The following CPVL variants were observed in gnomAD, a reference collection of about 807,000 sequenced individuals.
CPVL encodes the protein probable serine carboxypeptidase CPVL.
In CPVL, 51 loss-of-function variants were observed where a neutral mutation model predicts 63.7. The ratio of observed to expected loss-of-function variants is 0.80; its 90% CI spans 0.64 to 1.01. The LOEUF (loss-of-function observed/expected upper bound fraction) is 1.01, where lower values mean the gene tolerates loss of function less well. Among genes scored for constraint, CPVL ranks in the 50% least tolerant of loss-of-function variants. CPVL has a pLI of 0.00. For missense variants in CPVL, 530 were observed against 573.1 expected (o/e 0.92, Z 0.77); for synonymous variants, 195 against 206.0 (o/e 0.95, Z 0.46).
chr7:29,074,077 C>G (rs1049469623), intron 7 of CPVL, among the ~76,000 whole-genome samples: 1 of 152,148 alleles, frequency 6.6e-6, no homozygotes, highest in African/African-American at 2.4e-5. Context: ...TCATTACTCC[C>G]ATTTCAAGAT....
intron 5 of CPVL, among the ~76,000 whole-genome samples, chr7:29,152,611 C>G (rs1484928268): frequency 6.6e-6 from 1 of 152,110 alleles, no homozygotes; most frequent in Non-Finnish European, 1.5e-5. Flanking sequence ...TTGTTCCCAT[C>G]CACCCCACCC....
intron 1 of CPVL, among the ~76,000 whole-genome samples, chr7:29,135,461 A>T (rs1330173145): frequency 6.6e-6 from 1 of 151,556 alleles, no homozygotes; most frequent in Non-Finnish European, 1.5e-5. Flanking sequence ...CCTCCTGAGT[A>T]GCTGGGATTA....
At chr7:29,059,076 C>T (rs964553711) in intron 11 of CPVL, among the ~76,000 whole-genome samples, 2 of 152,082 alleles carry the variant, frequency 1.3e-5, no homozygotes, top group African/African-American at 4.8e-5. Context: ...ACAGTTAAGG[C>T]TATTCAAAAA....
At chr7:29,110,408 G>A (rs1163121504) in intron 3 of CPVL, among the ~76,000 whole-genome samples, 1 of 152,126 alleles carries the variant, frequency 6.6e-6, no homozygotes, top group Non-Finnish European at 1.5e-5. Flanking sequence ...ATTTCTTTCT[G>A]GTAAAAGGCG....
intron 3 of CPVL, among the ~76,000 whole-genome samples, chr7:29,104,415 A>G (rs568901525): frequency 3.9e-5 from 6 of 152,196 alleles, no homozygotes; most frequent in African/African-American, 1.4e-4. Flanking sequence ...TACCTGCCAC[A>G]GCCCCTGGCT....
intron 4 of CPVL, among the ~76,000 whole-genome samples, chr7:29,183,035 C>T (rs1798253289): frequency 6.6e-6 from 1 of 151,846 alleles, no homozygotes; most frequent in South Asian, 2.1e-4. Context: ...CCAGAATCTT[C>T]CCATTATATG....
intron 11 of CPVL, among the ~76,000 whole-genome samples, chr7:29,057,965 C>A (rs545267084): frequency 6.6e-6 from 1 of 152,226 alleles, no homozygotes; most frequent in South Asian, 2.1e-4. Context: ...TGTCAATCTT[C>A]TGACTTTATT....
At position 29,086,469 on chromosome 7, in the gene CPVL, G is replaced by A. The variant is rs529883355; in HGVS notation, c.609+15C>T. On this transcript the variant is annotated intron_variant, in intron 7 of 12. Transcript: ENST00000265394. ...TGATGTTTGAAGCACACAAGGAAAC[G>A]TGACTTCTACTTACCTCCCCAGTGA... 16 of 1,588,848 alleles carry A rather than the reference G, an allele frequency of 1.0e-5. No individual in the cohort carries two copies. The South Asian group carries it at 1.3e-4, about 13-fold the overall frequency.
intron 3 of CPVL, among the ~76,000 whole-genome samples, chr7:29,102,014 A>C (rs1186216556): frequency 6.6e-6 from 1 of 152,220 alleles, no homozygotes; most frequent in Non-Finnish European, 1.5e-5. Flanking sequence ...ATACAACGCC[A>C]ACTACTCACA....
chr7:29,099,244 T>C (rs1292565774), intron 3 of CPVL, among the ~76,000 whole-genome samples: 2 of 123,032 alleles, frequency 1.6e-5, no homozygotes, highest in Non-Finnish European at 3.3e-5. Flanking sequence ...AATTTGTAGA[T>C]GGCTTGAACA....
chr7:29,157,845 A>C (rs1053897335), intron 5 of CPVL, among the ~76,000 whole-genome samples: 4 of 150,844 alleles, frequency 2.7e-5, no homozygotes, highest in Admixed American at 2.7e-4. Context: ...CTAAAAAAAA[A>C]ATCCTTCTAT....
In CPVL at chr7:29,092,610, A is replaced by G. The variant is rs1455131820; in HGVS notation, c.542+13T>C. ...GGTCTTAGGAAAGCCAAGAGAAAGC[A>G]GGAGCATTTTACCTGTATAAATCCC... On this transcript the variant is annotated intron_variant, in intron 6 of 12. Transcript: ENST00000265394. 6.9e-6 allele frequency: 11 copies of G among 1,592,524 alleles called. No homozygotes were observed. Among genetic ancestry groups the G allele is most frequent in the Non-Finnish European group, 9.5e-6 (11 of 1,160,500 alleles).
At chr7:29,188,626 G>T (rs754961368) in intron 1 of CPVL, among the ~76,000 whole-genome samples, 8 of 151,994 alleles carry the variant, frequency 5.3e-5, no homozygotes, top group Non-Finnish European at 1.2e-4. Flanking sequence ...ATTTTCTTGG[G>T]GAGTGAAGGC....
At chr7:29,071,707 TCACCCGCC>T in intron 9 of CPVL, 58 bp downstream of exon 9, 3 of 867,444 alleles carry the variant, frequency 3.5e-6, no homozygotes, top group Non-Finnish European at 5.5e-6. Flanking sequence ...GTGTTCCTGC[TCACCCGCC>T]CTCCCTCCCC....
rs375090400 is a variant in CPVL, at chr7:29,055,008, G to A, written c.1137+9053C>T. ...TAGTTTCTCATTTATTGCTTGTTTT[G>A]TAACTCCATTTTTATGCCTTCAAAT... On this transcript the variant is annotated intron_variant, in intron 11 of 12. Coordinates refer to ENST00000265394, the MANE Select transcript of CPVL (RefSeq NM_031311.5). Among the ~76,000 whole-genome samples the A allele has an allele frequency of 1.4e-3, 211 of 151,968 alleles. 2 individuals carry two copies. Among genetic ancestry groups the A allele is most frequent in the Non-Finnish European group, 2.5e-3 (172 of 67,950 alleles).
rs1470935928 is a variant in CPVL, at chr7:29,095,152, CAAAG to C, written c.404-14_404-11del. On this transcript the variant is annotated splice_polypyrimidine_tract_variant and intron_variant, in intron 4 of 12. Transcript: ENST00000265394. ...AAGTCTCTGTCACGCACTGTGAAAA[CAAAG>C]AAGAGGGGTGAGATAGAGTCGTGGA... 2 of 1,612,594 alleles carry C rather than the reference CAAAG, an allele frequency of 1.2e-6. No individual in the cohort carries two copies. The highest frequency in any genetic ancestry group is 4.5e-5 in the East Asian group (2 of 44,846).
In CPVL at chr7:29,034,614, G is replaced by A. The variant is rs1186147665; in HGVS notation, c.1138-3855C>T. Among the ~76,000 whole-genome samples, 3 of 151,902 alleles carry A rather than the reference G, an allele frequency of 2.0e-5. No individual in the cohort carries two copies. The East Asian group carries it at 5.8e-4, about 29-fold the overall frequency. On this transcript the variant is annotated intron_variant, in intron 11 of 12. Coordinates refer to ENST00000265394, the MANE Select transcript of CPVL (RefSeq NM_031311.5). Reference sequence around the variant, plus strand: ...CCCCAGTATGTGTTGTTCCCCCCATGTGTCCATGTGTTCTCATCGTTTTTT... The same window carrying A: ...CCCCAGTATGTGTTGTTCCCCCCATATGTCCATGTGTTCTCATCGTTTTTT...
intron 5 of CPVL, among the ~76,000 whole-genome samples, chr7:29,093,405 A>G (rs1427688895): frequency 1.3e-5 from 2 of 150,220 alleles, no homozygotes; most frequent in African/African-American, 2.4e-5. Context: ...AAAAGAAAGA[A>G]ACTCTTTAGG....
At chr7:29,006,867 T>C (rs927843471) in intron 12 of CPVL, among the ~76,000 whole-genome samples, 4 of 152,026 alleles carry the variant, frequency 2.6e-5, no homozygotes, top group African/African-American at 9.7e-5. Context: ...ACACAATTTT[T>C]TCCATCCCTC....
Sources: allele counts gnomAD v4.1 joint callset (sites outside exome capture counted in the v4.1 genomes callset), GRCh38; gene constraint gnomAD v4.1.1; transcripts MANE v1.5; gene names NCBI Gene and HGNC (gene_info 2026-07-23, HGNC 2026-07-21).